The following SLC20A1 variants were observed in gnomAD, a reference collection of about 807,000 sequenced individuals.
The protein encoded by SLC20A1 is sodium-dependent phosphate transporter 1.
Under a neutral mutation model 62.7 loss-of-function variants are expected in SLC20A1, and 28 were observed. The observed-to-expected ratio is 0.45, with a 90% CI of 0.33 to 0.61. SLC20A1 has a LOEUF of 0.61. Among genes scored for constraint, SLC20A1 ranks in the 20% least tolerant of loss-of-function variants. The pLI is 0.02. For synonymous variants in SLC20A1, 305 were observed against 302.9 expected (o/e 1.01, Z -0.07); for missense variants, 673 against 838.6 (o/e 0.80, Z 2.44).
chr2:112,660,599 A>T, intron 9 of SLC20A1, 27 bp downstream of exon 9: 1 of 1,588,360 alleles, frequency 6.3e-7, no homozygotes. Context: ...GGTTCTACAA[A>T]TGTCAGTACT....
chr2:112,646,322 CT>C (rs1050226991), intron 1 of SLC20A1, among the ~76,000 whole-genome samples, 193 bp downstream of exon 1: 4 of 151,868 alleles, frequency 2.6e-5, no homozygotes, highest in East Asian at 3.9e-4. Context: ...GGGAACGGCC[CT>C]TTTCCGATTT....
intron 5 of SLC20A1, 80 bp from the exon 6 acceptor site, chr2:112,657,042 A>C (rs768266967): frequency 5.2e-6 from 8 of 1,541,656 alleles, no homozygotes; most frequent in Non-Finnish European, 7.2e-6. Context: ...GGAACCCCTC[A>C]GTCCCCAGAG....
chr2:112,647,748 C>A lies in SLC20A1; in HGVS notation c.561+10C>A. 1.2e-6 allele frequency: 2 copies of A among 1,603,910 alleles called. No individual in the cohort carries two copies. The highest frequency in any genetic ancestry group is 1.7e-6 in the Non-Finnish European group (2 of 1,170,708). Reference sequence around the variant, plus strand: ...ATTCATCCTCCATAAGGTAACCTTTCTCCCCCGTATGAAGACCTTTCATGG... The same window carrying A: ...ATTCATCCTCCATAAGGTAACCTTTATCCCCCGTATGAAGACCTTTCATGG... On this transcript the variant is annotated intron_variant, in intron 4 of 10. Coordinates refer to ENST00000272542, the MANE Select transcript of SLC20A1 (RefSeq NM_005415.5).
chr2:112,650,414 C>T (rs946912763), intron 4 of SLC20A1, among the ~76,000 whole-genome samples: 3 of 150,608 alleles, frequency 2.0e-5, no homozygotes, highest in African/African-American at 7.3e-5. Context: ...CTTACTGCAA[C>T]CTCCGCCTCT....
rs1686795262 is a variant in SLC20A1 at position 112,663,085 on chromosome 2, C to A, written c.*60C>A. 1 of 1,562,952 alleles carries A rather than the reference C, an allele frequency of 6.4e-7. No homozygotes were observed. The highest frequency in any genetic ancestry group is 2.2e-5 in the East Asian group (1 of 44,612). ...GGACCATCTTAGGTATTCCTGCTCCCCTGAAGAATGATTACAGTGTTAACA... is the reference window on the plus strand; with the variant it reads ...GGACCATCTTAGGTATTCCTGCTCCACTGAAGAATGATTACAGTGTTAACA... On this transcript the variant is annotated 3_prime_UTR_variant, in exon 11 of 11. Transcript: ENST00000272542.
rs766312912 is a variant in SLC20A1 at position 112,657,177 on chromosome 2, T to C, written c.714T>C (p.Cys238=). ...GTACCATCCTCATCTCGGTGGGATG[T>C]GCAGTTTTCTGTGCCCTTATCGTCT... ...LWGTILISVG[C]AVFCALIVWF... The change falls in exon 6 of 11, where the codon TGT becomes TGC. Residue 238 remains cysteine (C), a synonymous_variant. Transcript: ENST00000272542. The C allele has an allele frequency of 1.9e-6, 3 of 1,612,584 alleles. No homozygotes were observed. Among genetic ancestry groups the C allele is most frequent in the Non-Finnish European group, 2.5e-6 (3 of 1,179,380 alleles).
chr2:112,656,379 T>G (rs1686586607), intron 5 of SLC20A1, among the ~76,000 whole-genome samples: 1 of 151,734 alleles, frequency 6.6e-6, no homozygotes, highest in African/African-American at 2.4e-5. Flanking sequence ...TTTTGTATTT[T>G]TAGTAGAGAT....
At chr2:112,646,247 G>T (rs1023479326) in intron 1 of SLC20A1, 118 bp downstream of exon 1, 1 of 152,050 alleles carries the variant, frequency 6.6e-6, no homozygotes, top group Admixed American at 6.6e-5. Flanking sequence ...TTCGCCGCTG[G>T]CCGCCTCCAC....
chr2:112,660,630 C>G, intron 9 of SLC20A1, 58 bp downstream of exon 9: 1 of 1,436,006 alleles, frequency 7.0e-7, no homozygotes. Context: ...AGAGATATAA[C>G]ACTGTCGAGT....
At chr2:112,658,682 A>G (rs1458045986) in intron 6 of SLC20A1, 143 bp from the exon 7 acceptor site, 17 of 920,264 alleles carry the variant, frequency 1.8e-5, no homozygotes, top group Non-Finnish European at 2.7e-5. Context: ...TAAAGCAGGC[A>G]GGAAAAATGT....
At chr2:112,658,033 G>A (rs1302894475) in intron 6 of SLC20A1, among the ~76,000 whole-genome samples, 2 of 152,252 alleles carry the variant, frequency 1.3e-5, no homozygotes, top group African/African-American at 4.8e-5. Context: ...TAGGAAGAAC[G>A]CTGCGTCACC....
chr2:112,657,484 G>A (rs1031304459), intron 6 of SLC20A1, among the ~76,000 whole-genome samples: 7 of 152,182 alleles, frequency 4.6e-5, no homozygotes, highest in Admixed American at 3.9e-4. Context: ...AACCTATGCT[G>A]TAGAGACAAT....
rs1377976921 is a variant in SLC20A1 at position 112,661,189 on chromosome 2, C to T, written c.1841C>T (p.Ser614Leu). ...LASALTVVIA[S>L]NIGLPISTTH... Reference sequence around the variant, plus strand: ...TCTGCCCTCACTGTGGTGATTGCATCAAATATTGGCCTTCCCATCAGTACA... The same window carrying T: ...TCTGCCCTCACTGTGGTGATTGCATTAAATATTGGCCTTCCCATCAGTACA... Residue 614 changes from serine (S) to leucine (L), a missense_variant, in exon 10 of 11, where the codon TCA (serine) becomes TTA (leucine). Physicochemically the swap from Ser to Leu is moderately radical, Grantham distance 145. Coordinates refer to ENST00000272542, the MANE Select transcript of SLC20A1 (RefSeq NM_005415.5). 6.2e-7 allele frequency: 1 copy of T among 1,613,876 alleles called. No homozygotes were observed. Among genetic ancestry groups the T allele is most frequent in the Non-Finnish European group, 8.5e-7 (1 of 1,179,888 alleles).
Position 112,659,251 on chromosome 2 carries a change from G to A in SLC20A1, c.1096G>A (p.Val366Ile), listed in dbSNP as rs147673696. 6.7e-5 allele frequency: 108 copies of A among 1,613,988 alleles called. No individual in the cohort carries two copies. The highest frequency in any genetic ancestry group is 3.3e-4 in the Middle Eastern group (2 of 6,084). ...GAACCTTGTCCAGTTCAGTCAAGCC[G>A]TCAGCAACCAAATAAACTCCAGTGG... ...NGNLVQFSQA[V>I]SNQINSSGHY... is the part of the protein sequence containing the mutation. Residue 366 changes from valine (V) to isoleucine (I), a missense_variant, in exon 8 of 11, where the codon GTC becomes ATC. Val to Ile is a conservative substitution (Grantham distance 29). Transcript: ENST00000272542.
intron 4 of SLC20A1, among the ~76,000 whole-genome samples, chr2:112,650,975 T>C (rs1686418217): frequency 6.6e-6 from 1 of 152,226 alleles, no homozygotes; most frequent in Admixed American, 6.5e-5. Context: ...CACACCTTAG[T>C]TTCCTAATCT....
At chr2:112,656,921 G>C in intron 5 of SLC20A1, 1 of 627,238 alleles carries the variant, frequency 1.6e-6, no homozygotes. Context: ...AGGCTGGTGT[G>C]GGTTTTCAGA....
intron 1 of SLC20A1, among the ~76,000 whole-genome samples, 173 bp downstream of exon 1, chr2:112,646,302 C>A (rs1686272378): frequency 6.6e-6 from 1 of 151,892 alleles, no homozygotes; most frequent in Admixed American, 6.6e-5. Context: ...GGTCCCCGGG[C>A]GGCGCGCGCG....
At chr2:112,651,571 A>T (rs533851231) in intron 4 of SLC20A1, among the ~76,000 whole-genome samples, 53 of 151,958 alleles carry the variant, frequency 3.5e-4, no homozygotes, top group African/African-American at 1.2e-3. Context: ...ATCCGGGCTA[A>T]TTTTTTTGGT....
chr2:112,648,241 A>G (rs1686339583), intron 4 of SLC20A1, among the ~76,000 whole-genome samples: 1 of 152,212 alleles, frequency 6.6e-6, no homozygotes, highest in Non-Finnish European at 1.5e-5. Flanking sequence ...AATAGTTGAA[A>G]AGAACCAGTT....
Sources: gnomAD v4.1 joint callset for allele counts (sites outside exome capture counted in the v4.1 genomes callset) on GRCh38, gnomAD v4.1.1 for gene constraint, MANE v1.5 for transcripts, NCBI Gene and HGNC (gene_info 2026-07-23, HGNC 2026-07-21) for gene names.